The following B3GALT1 variants were observed in gnomAD, a reference collection of about 807,000 sequenced individuals.
The protein encoded by B3GALT1 is beta-1,3-galactosyltransferase 1.
Under a neutral mutation model 23.2 loss-of-function variants are expected in B3GALT1, and 10 were observed. That is an observed-to-expected ratio of 0.43 (90% CI 0.27 to 0.73). The LOEUF (loss-of-function observed/expected upper bound fraction) is 0.73, where lower values mean the gene tolerates loss of function less well. Ranked by LOEUF, B3GALT1 falls within the 30% of genes least tolerant of loss-of-function variation. The pLI is 0.21. For synonymous variants in B3GALT1, 156 were observed against 141.5 expected, an observed-to-expected ratio of 1.10 and a Z score of -0.73; for missense variants, 299 against 405.4, an observed-to-expected ratio of 0.74 and a Z score of 2.25.
intron 4 of B3GALT1, among the ~76,000 whole-genome samples, chr2:167,850,399 T>C (rs746268594): frequency 2.6e-5 from 4 of 152,100 alleles, no homozygotes; most frequent in Non-Finnish European, 5.9e-5. Flanking sequence ...AAACAGTAGA[T>C]GTTGGCATGG....
At chr2:167,778,108 G>A (rs1688192088) in intron 3 of B3GALT1, among the ~76,000 whole-genome samples, 1 of 152,154 alleles carries the variant, frequency 6.6e-6, no homozygotes, top group Non-Finnish European at 1.5e-5. Context: ...CATTTATTCA[G>A]TCCATATGGA....
chr2:167,630,862 G>C (rs138302308), intron 2 of B3GALT1, among the ~76,000 whole-genome samples: 1 of 151,840 alleles, frequency 6.6e-6, no homozygotes, highest in East Asian at 2.0e-4. Context: ...GCCAAGGAGT[G>C]TACAGAATAG....
At chr2:167,632,196 G>C (rs1455056899) in intron 2 of B3GALT1, among the ~76,000 whole-genome samples, 1 of 151,982 alleles carries the variant, frequency 6.6e-6, no homozygotes, top group African/African-American at 2.4e-5. Flanking sequence ...GTCTATCATT[G>C]ATGGGCATTT....
At position 167,522,005 on chromosome 2, in the gene B3GALT1, T is replaced by TATATAC. The variant is rs1184882586; in HGVS notation, c.-410+31729_-410+31730insTATACA. Among the ~76,000 whole-genome samples the TATATAC allele has an allele frequency of 2.6e-3, 372 of 144,904 alleles. 2 individuals carry two copies. The highest frequency in any genetic ancestry group is 8.8e-3 in the African/African-American group (349 of 39,684). On this transcript the variant is annotated intron_variant, in intron 2 of 4. Transcript: ENST00000392690. ...GTGTGTATATATATATATATATATA[T>TATATAC]ACACATATATATATAATTATATATA...
chr2:167,753,073 T>G (rs1687764232), intron 3 of B3GALT1, among the ~76,000 whole-genome samples: 1 of 152,110 alleles, frequency 6.6e-6, no homozygotes, highest in Non-Finnish European at 1.5e-5. Flanking sequence ...TTAATGAAGG[T>G]CCTACTGCAT....
At chr2:167,467,491 A>G (rs1033851575) in intron 1 of B3GALT1, among the ~76,000 whole-genome samples, 2 of 152,192 alleles carry the variant, frequency 1.3e-5, no homozygotes, top group African/African-American at 4.8e-5. Context: ...TCCTTATATT[A>G]TAAACTGTTG....
chr2:167,679,243 T>A (rs1237673131), intron 3 of B3GALT1, among the ~76,000 whole-genome samples: 2 of 152,014 alleles, frequency 1.3e-5, no homozygotes, highest in African/African-American at 4.8e-5. Context: ...CTCAGCCTCC[T>A]GAGTAGCTGG....
At chr2:167,464,609 G>A (rs1221469308) in intron 1 of B3GALT1, among the ~76,000 whole-genome samples, 1 of 152,172 alleles carries the variant, frequency 6.6e-6, no homozygotes, top group Non-Finnish European at 1.5e-5. Context: ...GGGGGTTGAT[G>A]TGACATTTTT....
Position 167,595,510 on chromosome 2 carries a change from G to A in B3GALT1, c.-409-51399G>A, listed in dbSNP as rs562502402. Among the ~76,000 whole-genome samples the A allele has an allele frequency of 9.6e-5, 7 of 72,670 alleles. No individual in the cohort carries two copies. The South Asian group carries it at 3.9e-3, about 41-fold the overall frequency. 47.7% of individuals were successfully genotyped at this position (72,670 alleles called of 152,430 possible). A position where few individuals can be genotyped will look rare whatever the true frequency, so the allele number is the denominator to read the frequency against. Reference sequence around the variant, plus strand: ...ACATGTGTGTATGTATATGTTCGGGGGACTTACAAAAATAATCTACTCTTC... The same window carrying A: ...ACATGTGTGTATGTATATGTTCGGGAGACTTACAAAAATAATCTACTCTTC... On this transcript the variant is annotated intron_variant, in intron 2 of 4. Coordinates refer to ENST00000392690, the MANE Select transcript of B3GALT1 (RefSeq NM_020981.4).
intron 1 of B3GALT1, among the ~76,000 whole-genome samples, chr2:167,393,337 A>T (rs1312433261): frequency 1.3e-5 from 2 of 151,728 alleles, no homozygotes; most frequent in African/African-American, 4.8e-5. Flanking sequence ...TTAAGCACCA[A>T]GGTTCATTAA....
intron 1 of B3GALT1, among the ~76,000 whole-genome samples, chr2:167,399,203 A>G (rs1446189526): frequency 7.9e-5 from 12 of 152,144 alleles, no homozygotes; most frequent in Admixed American, 7.2e-4. Flanking sequence ...ATGTGAACCA[A>G]CAGGAGCAGT....
In B3GALT1 at chr2:167,367,944, A is replaced by G. The variant is rs188642643; in HGVS notation, c.-511+74610A>G. ...GGACTTCAAAAGCAAGAGTTTTCCA[A>G]TTTATTCTTCTACCAATCTTGTGAG... On this transcript the variant is annotated intron_variant, in intron 1 of 4. Transcript: ENST00000392690. 1.0e-3 allele frequency among the ~76,000 whole-genome samples: 154 copies of G among 152,306 alleles called. No homozygotes were observed. In the Middle Eastern group the frequency reaches 0.014, roughly 13 times the overall value.
At chr2:167,767,182 T>A (rs897138775) in intron 3 of B3GALT1, among the ~76,000 whole-genome samples, 12 of 152,226 alleles carry the variant, frequency 7.9e-5, no homozygotes, top group Non-Finnish European at 1.6e-4. Context: ...CAGAATTATG[T>A]AAGCTGAACC....
At chr2:167,337,392 A>G (rs895658464) in intron 1 of B3GALT1, among the ~76,000 whole-genome samples, 6 of 152,058 alleles carry the variant, frequency 3.9e-5, no homozygotes, top group Non-Finnish European at 5.9e-5. Flanking sequence ...ATGCACACGC[A>G]CACACACCCA....
chr2:167,395,196 A>G (rs1008189508), intron 1 of B3GALT1, among the ~76,000 whole-genome samples: 1 of 152,142 alleles, frequency 6.6e-6, no homozygotes, highest in Non-Finnish European at 1.5e-5. Context: ...AGGTGGTTGA[A>G]TAATGGCTCT....
At chr2:167,431,714 C>G (rs1350914480) in intron 1 of B3GALT1, among the ~76,000 whole-genome samples, 1 of 152,164 alleles carries the variant, frequency 6.6e-6, no homozygotes, top group African/African-American at 2.4e-5. Context: ...CATTAGGATA[C>G]TTGTTTTAAA....
chr2:167,344,009 G>GTA (rs1291512850), intron 1 of B3GALT1, among the ~76,000 whole-genome samples: 1 of 152,164 alleles, frequency 6.6e-6, no homozygotes, highest in Non-Finnish European at 1.5e-5. Flanking sequence ...GGAGAAGGGA[G>GTA]TATTGGGTGG....
At chr2:167,706,540 A>G (rs1021963479) in intron 3 of B3GALT1, among the ~76,000 whole-genome samples, 16 of 152,060 alleles carry the variant, frequency 1.1e-4, no homozygotes, top group African/African-American at 3.9e-4. Context: ...TAACATACAC[A>G]CTCCTCAATG....
chr2:167,395,589 A>G (rs1239708739), intron 1 of B3GALT1, among the ~76,000 whole-genome samples: 8 of 152,120 alleles, frequency 5.3e-5, no homozygotes, highest in Non-Finnish European at 1.2e-4. Flanking sequence ...GACTTCCAGA[A>G]TTCTAAGATA....
Sources: gnomAD v4.1 joint callset for allele counts (sites outside exome capture counted in the v4.1 genomes callset) on GRCh38, gnomAD v4.1.1 for gene constraint, MANE v1.5 for transcripts, NCBI Gene and HGNC (gene_info 2026-07-23, HGNC 2026-07-21) for gene names.